The following ENOX1 variants were observed in gnomAD, a reference collection of about 807,000 sequenced individuals.
ENOX1 encodes the protein candidate growth-related and time keeping constitutive hydroquinone (NADH) oxidase.
Under a neutral mutation model 82.5 loss-of-function variants are expected in ENOX1, and 42 were observed. That is an observed-to-expected ratio of 0.51 (90% CI 0.40 to 0.66). ENOX1 has a LOEUF of 0.66. Ranked by LOEUF, ENOX1 falls within the 30% of genes least tolerant of loss-of-function variation. The pLI is 0.00. For missense variants in ENOX1, 608 were observed against 811.6 expected, an observed-to-expected ratio of 0.75 and a Z score of 3.05; for synonymous variants, 271 against 282.2, an observed-to-expected ratio of 0.96 and a Z score of 0.40.
intron 3 of ENOX1, among the ~76,000 whole-genome samples, chr13:43,474,628 A>T (rs2058205559): frequency 6.6e-6 from 1 of 151,612 alleles, no homozygotes; most frequent in Admixed American, 6.6e-5. Context: ...GATTCCTCTC[A>T]CTGGAATTAA....
intron 1 of ENOX1, among the ~76,000 whole-genome samples, chr13:43,741,818 C>T (rs1004714941): frequency 4.6e-5 from 7 of 152,104 alleles, no homozygotes; most frequent in Non-Finnish European, 1.0e-4. Flanking sequence ...GTTGCCTAAT[C>T]CAAGATCATG....
intron 2 of ENOX1, among the ~76,000 whole-genome samples, chr13:43,539,133 A>G (rs2078600143): frequency 6.6e-6 from 1 of 152,074 alleles, no homozygotes; most frequent in African/African-American, 2.4e-5. Context: ...CTTGGCTTTG[A>G]TGATGATTTC....
intron 1 of ENOX1, among the ~76,000 whole-genome samples, chr13:43,736,764 C>T (rs1055479273): frequency 1.3e-5 from 2 of 152,088 alleles, no homozygotes. Context: ...AAGGCAGGTT[C>T]TGCAGGCTTT....
At chr13:43,341,183 G>A (rs1594037666) in intron 9 of ENOX1, among the ~76,000 whole-genome samples, 1 of 152,150 alleles carries the variant, frequency 6.6e-6, no homozygotes, top group South Asian at 2.1e-4. Flanking sequence ...TGTAGTCCCA[G>A]CTACTCGGGA....
chr13:43,472,286 TGAGA>T (rs1313870880), intron 3 of ENOX1, among the ~76,000 whole-genome samples: 1 of 152,168 alleles, frequency 6.6e-6, no homozygotes, highest in South Asian at 2.1e-4. Flanking sequence ...TAAAACTTCC[TGAGA>T]AAGAAGACAA....
chr13:43,508,566 T>C (rs370270487), intron 2 of ENOX1, among the ~76,000 whole-genome samples: 107 of 152,182 alleles, frequency 7.0e-4, no homozygotes, highest in African/African-American at 2.6e-3. Flanking sequence ...TTCAAAGGTA[T>C]ACAGGTAACG....
chr13:43,576,903 C>G (rs981647656), intron 2 of ENOX1, among the ~76,000 whole-genome samples: 1 of 152,176 alleles, frequency 6.6e-6, no homozygotes, highest in Non-Finnish European at 1.5e-5. Context: ...GTCCAAAATA[C>G]TGTGGATTAA....
At chr13:43,784,061 T>G (rs1952432978) in intron 1 of ENOX1, among the ~76,000 whole-genome samples, 1 of 152,194 alleles carries the variant, frequency 6.6e-6, no homozygotes, top group Non-Finnish European at 1.5e-5. Context: ...CTGGTGATAA[T>G]GCTTTCTACA....
intron 2 of ENOX1, among the ~76,000 whole-genome samples, chr13:43,563,750 A>G (rs2079791674): frequency 6.6e-6 from 1 of 152,130 alleles, no homozygotes; most frequent in African/African-American, 2.4e-5. Flanking sequence ...GGAAACTTAA[A>G]AGAAATGGAT....
chr13:43,593,986 A>C (rs951084170), intron 2 of ENOX1, among the ~76,000 whole-genome samples: 2 of 152,084 alleles, frequency 1.3e-5, no homozygotes, highest in African/African-American at 4.8e-5. Context: ...GCTCCTACCT[A>C]AGTGATTGTC....
At chr13:43,759,929 C>A (rs141620229) in intron 1 of ENOX1, among the ~76,000 whole-genome samples, 74 of 152,274 alleles carry the variant, frequency 4.9e-4, no homozygotes, top group African/African-American at 1.3e-3. Context: ...CAACTGTAAG[C>A]AAGAGTGGCA....
At chr13:43,735,801 C>T (rs2089600542) in intron 1 of ENOX1, among the ~76,000 whole-genome samples, 1 of 152,050 alleles carries the variant, frequency 6.6e-6, no homozygotes, top group African/African-American at 2.4e-5. Context: ...AAAATCTCTA[C>T]AGTGGTAGGA....
chr13:43,772,871 G>A (rs546012030), intron 1 of ENOX1, among the ~76,000 whole-genome samples: 11 of 152,000 alleles, frequency 7.2e-5, no homozygotes, highest in Middle Eastern at 3.4e-3. Context: ...TCAGTAGCTT[G>A]AGATGGGCTG....
Position 43,348,795 on chromosome 13 carries a change from G to A in ENOX1, c.824-4045C>T, listed in dbSNP as rs147654094. Among the ~76,000 whole-genome samples, 8 of 152,282 alleles carry A rather than the reference G, an allele frequency of 5.3e-5. No homozygotes were observed. In the East Asian group the frequency reaches 1.4e-3, roughly 26 times the overall value. On this transcript the variant is annotated intron_variant, in intron 8 of 16. Transcript: ENST00000690772. The stretch of plus-strand genomic sequence containing the variant: ...CCCAAAATGCAAGAGTAGTGATGCT[G>A]GCAATTTGGAAATGCCAAAGAAAAG...
intron 13 of ENOX1, 97 bp from the exon 14 acceptor site, chr13:43,265,551 G>T: frequency 9.6e-7 from 1 of 1,038,542 alleles, no homozygotes; most frequent in Non-Finnish European, 1.4e-6. Context: ...ATCTGAGGTT[G>T]CATTTTATAA....
chr13:43,350,946 G>A (rs566004627), intron 8 of ENOX1, among the ~76,000 whole-genome samples: 1 of 152,278 alleles, frequency 6.6e-6, no homozygotes, highest in South Asian at 2.1e-4. Flanking sequence ...AAACAAGGAA[G>A]GCATTCTAAA....
intron 2 of ENOX1, among the ~76,000 whole-genome samples, chr13:43,629,317 G>A (rs1028757471): frequency 6.6e-6 from 1 of 152,028 alleles, no homozygotes; most frequent in Non-Finnish European, 1.5e-5. Flanking sequence ...TCTGGCTAGA[G>A]AGAGTAGGCT....
chr13:43,731,669 T>G (rs948888642), intron 1 of ENOX1, among the ~76,000 whole-genome samples: 1 of 152,218 alleles, frequency 6.6e-6, no homozygotes, highest in African/African-American at 2.4e-5. Context: ...ATTTCAAAAA[T>G]GTATTCAAAC....
In ENOX1 at chr13:43,516,510, G is replaced by A. The variant is rs563842167; in HGVS notation, c.-218-32358C>T. Among the ~76,000 whole-genome samples, 10 of 152,246 alleles carry A rather than the reference G, an allele frequency of 6.6e-5. No homozygotes were observed. In the South Asian group the frequency reaches 1.5e-3, roughly 22 times the overall value. On this transcript the variant is annotated intron_variant, in intron 2 of 16. Coordinates refer to ENST00000690772, the MANE Select transcript of ENOX1 (RefSeq NM_001347969.2). ...CAGCTGGCAGAAGCAAGGATTTTGA[G>A]AACTCTGCTCTCCTGTCTACTGAAG...
Sources: gnomAD v4.1 joint callset for allele counts (sites outside exome capture counted in the v4.1 genomes callset) on GRCh38, gnomAD v4.1.1 for gene constraint, MANE v1.5 for transcripts, NCBI Gene and HGNC (gene_info 2026-07-23, HGNC 2026-07-21) for gene names.